The following MYT1L variants were observed in gnomAD, a reference collection of about 807,000 sequenced individuals.
MYT1L encodes the protein myelin transcription factor 1-like protein.
Under a neutral mutation model 126.7 loss-of-function variants are expected in MYT1L, and 12 were observed. That is an observed-to-expected ratio of 0.09 (90% confidence interval 0.06 to 0.15). MYT1L has a LOEUF of 0.15. Among genes scored for constraint, MYT1L ranks in the 10% least tolerant of loss-of-function variants. MYT1L has a pLI of 1.00. For synonymous variants in MYT1L, 541 were observed against 604.2 expected (o/e 0.90, Z 1.53); for missense variants, 979 against 1,585.2 (o/e 0.62, Z 6.49).
chr2:2,028,577 AT>A (rs1046202827), intron 4 of MYT1L, among the ~76,000 whole-genome samples: 2 of 152,214 alleles, frequency 1.3e-5, no homozygotes, highest in African/African-American at 2.4e-5. Context: ...ATTAAAAAAA[AT>A]GAAGTAATAT....
intron 1 of MYT1L, among the ~76,000 whole-genome samples, chr2:2,323,322 A>G (rs545805061): frequency 6.6e-6 from 1 of 152,276 alleles, no homozygotes; most frequent in South Asian, 2.1e-4. Context: ...AACTCTTTAG[A>G]AAAAAAGCTT....
chr2:2,187,535 C>T (rs993932633), intron 2 of MYT1L, among the ~76,000 whole-genome samples: 3 of 151,610 alleles, frequency 2.0e-5, no homozygotes, highest in African/African-American at 4.9e-5. Context: ...AAGCCAGCCT[C>T]GCCCCCGTGG....
chr2:1,858,011 C>T (rs150263464), intron 18 of MYT1L, among the ~76,000 whole-genome samples: 216 of 152,250 alleles, frequency 1.4e-3, no homozygotes, highest in African/African-American at 4.5e-3. Context: ...TACGGGCATG[C>T]ACCACCATAC....
intron 3 of MYT1L, among the ~76,000 whole-genome samples, chr2:2,144,584 G>A (rs1173146526): frequency 6.6e-6 from 1 of 152,184 alleles, no homozygotes; most frequent in South Asian, 2.1e-4. Context: ...GTGGGAAACG[G>A]CAGACACTTT....
At chr2:1,977,793 A>G (rs1415613128) in intron 8 of MYT1L, among the ~76,000 whole-genome samples, 1 of 152,212 alleles carries the variant, frequency 6.6e-6, no homozygotes, top group Non-Finnish European at 1.5e-5. Context: ...AATTTTTCTC[A>G]TGGGTGACTA....
chr2:1,869,372 G>A (rs1449417033), intron 18 of MYT1L, among the ~76,000 whole-genome samples: 1 of 152,262 alleles, frequency 6.6e-6, no homozygotes, highest in Non-Finnish European at 1.5e-5. Context: ...GGTCTCATGA[G>A]ACCTGGCACT....
intron 3 of MYT1L, among the ~76,000 whole-genome samples, chr2:2,090,682 C>A (rs1443532782): frequency 6.6e-6 from 1 of 152,186 alleles, no homozygotes; most frequent in African/African-American, 2.4e-5. Context: ...CTAAAGATTT[C>A]TCTGAGGCAC....
chr2:2,106,786 G>A (rs1044226198), intron 3 of MYT1L, among the ~76,000 whole-genome samples: 3 of 152,200 alleles, frequency 2.0e-5, no homozygotes, highest in Non-Finnish European at 4.4e-5. Flanking sequence ...GATGCATCCA[G>A]TATCTTAGAG....
intron 4 of MYT1L, among the ~76,000 whole-genome samples, chr2:2,014,611 G>A (rs769858980): frequency 6.6e-6 from 1 of 152,202 alleles, no homozygotes; most frequent in East Asian, 1.9e-4. Flanking sequence ...TGGGCATCCC[G>A]GATGGGCACC....
At chr2:2,042,914 G>T (rs112116353) in intron 4 of MYT1L, among the ~76,000 whole-genome samples, 2 of 152,290 alleles carry the variant, frequency 1.3e-5, no homozygotes, top group African/African-American at 4.8e-5. Flanking sequence ...TGCAGGCAGG[G>T]TCTTCCCAAC....
intron 2 of MYT1L, among the ~76,000 whole-genome samples, chr2:2,215,352 A>G (rs2093647806): frequency 6.6e-6 from 1 of 152,208 alleles, no homozygotes; most frequent in African/African-American, 2.4e-5. Flanking sequence ...AGATGAAAAA[A>G]GATACATCAT....
At chr2:2,304,576 C>T (rs2095834006) in intron 1 of MYT1L, among the ~76,000 whole-genome samples, 1 of 152,120 alleles carries the variant, frequency 6.6e-6, no homozygotes, top group South Asian at 2.1e-4. Context: ...TTTTAGCTTG[C>T]TTGTGGTGAA....
intron 2 of MYT1L, among the ~76,000 whole-genome samples, chr2:2,208,345 G>C (rs182020020): frequency 3.0e-4 from 45 of 152,298 alleles, no homozygotes; most frequent in African/African-American, 1.1e-3. Flanking sequence ...TGTCTGGTTT[G>C]TAGACCTGTT....
At chr2:1,914,232 C>T (rs1368807183) in intron 11 of MYT1L, among the ~76,000 whole-genome samples, 7 of 151,772 alleles carry the variant, frequency 4.6e-5, no homozygotes, top group South Asian at 2.1e-4. Flanking sequence ...CCAGCCTGGG[C>T]GACAGAGCGA....
intron 1 of MYT1L, among the ~76,000 whole-genome samples, chr2:2,317,441 G>A (rs535511789): frequency 7.3e-4 from 111 of 152,156 alleles, no homozygotes; most frequent in African/African-American, 2.5e-3. Context: ...CAAGGGCACC[G>A]AGAGGCAGAA....
chr2:2,004,890 G>A (rs1254943815), intron 4 of MYT1L, among the ~76,000 whole-genome samples: 2 of 150,264 alleles, frequency 1.3e-5, no homozygotes, highest in Non-Finnish European at 2.9e-5. Flanking sequence ...GTTCTTTCCT[G>A]CATGTGTTCT....
intron 2 of MYT1L, among the ~76,000 whole-genome samples, chr2:2,271,055 G>A (rs978563481): frequency 4.6e-5 from 7 of 152,178 alleles, no homozygotes; most frequent in Non-Finnish European, 8.8e-5. Flanking sequence ...GAGAGGTCCC[G>A]TGTCTGTGTG....
At chr2:2,201,858 C>T (rs116574599) in intron 2 of MYT1L, among the ~76,000 whole-genome samples, 2,901 of 152,186 alleles carry the variant, frequency 0.019, 82 homozygotes, top group African/African-American at 0.065. Context: ...TTATATTTAA[C>T]GACACTTAAT....
chr2:1,997,638 G>A (rs771467656), intron 4 of MYT1L, among the ~76,000 whole-genome samples: 1 of 152,212 alleles, frequency 6.6e-6, no homozygotes, highest in Non-Finnish European at 1.5e-5. Flanking sequence ...TGCTCTGCCT[G>A]ATATGGTTCC....
Sources: gnomAD v4.1 joint callset for allele counts (sites outside exome capture counted in the v4.1 genomes callset) on GRCh38, gnomAD v4.1.1 for gene constraint, MANE v1.5 for transcripts, NCBI Gene and HGNC (gene_info 2026-07-23, HGNC 2026-07-21) for gene names.